Variants in NHSL2 observed in about 807,000 individuals in gnomAD.
NHSL2 encodes the protein NHS-like protein 2.
Under a neutral mutation model 53.4 loss-of-function variants are expected in NHSL2, and 27 were observed. The ratio of observed to expected loss-of-function variants is 0.51; its 90% confidence interval spans 0.37 to 0.70. NHSL2 has a LOEUF of 0.70. Among genes scored for constraint, NHSL2 ranks in the 30% least tolerant of loss-of-function variants. The pLI is 0.00. For synonymous variants in NHSL2, 408 were observed against 404.1 expected (o/e 1.01, Z -0.12); for missense variants, 892 against 980.1 (o/e 0.91, Z 1.20).
intron 1 of NHSL2, among the ~76,000 whole-genome samples, chrX:72,008,574 T>A (rs192760324): frequency 1.5e-3 from 173 of 112,045 alleles, no homozygotes; most frequent in African/African-American, 5.3e-3. Context: ...AATTGAACCT[T>A]GGCACAGAGT....
At chrX:72,064,494 A>G (rs779932568) in intron 1 of NHSL2, among the ~76,000 whole-genome samples, 48 of 111,886 alleles carry the variant, frequency 4.3e-4, no homozygotes, top group African/African-American at 1.5e-3. Context: ...CACACCTGAC[A>G]GGGTGGTTGT....
At chrX:72,107,639 AAGACAG>A (rs1220708998) in intron 1 of NHSL2, among the ~76,000 whole-genome samples, 1 of 112,112 alleles carries the variant, frequency 8.9e-6, no homozygotes, top group Non-Finnish European at 1.9e-5. Context: ...CAACAGACAG[AAGACAG>A]AGTCCCGGGG....
At chrX:71,970,192 A>G (rs1235188210) in intron 1 of NHSL2, among the ~76,000 whole-genome samples, 3 of 111,775 alleles carry the variant, frequency 2.7e-5, no homozygotes, top group Non-Finnish European at 5.6e-5. Flanking sequence ...TATATTTATA[A>G]GGCCTGTAGG....
At chrX:71,965,399 A>G (rs1002698556) in intron 1 of NHSL2, among the ~76,000 whole-genome samples, 2 of 112,327 alleles carry the variant, frequency 1.8e-5, no homozygotes, top group African/African-American at 6.5e-5. Context: ...TACCTTTGCT[A>G]TTTTGTCAAA....
intron 1 of NHSL2, among the ~76,000 whole-genome samples, chrX:71,945,124 TG>T (rs201374936): frequency 8.1e-5 from 9 of 111,727 alleles, no homozygotes; most frequent in African/African-American, 2.9e-4. Context: ...CTGAGGCAGT[TG>T]GGGGGGTCAT....
At chrX:72,076,694 T>C (rs756286279) in intron 1 of NHSL2, among the ~76,000 whole-genome samples, 40 of 112,446 alleles carry the variant, frequency 3.6e-4, no homozygotes, top group Non-Finnish European at 7.1e-4. Context: ...TAGGAGACCC[T>C]GCACACTGAT....
chrX:71,963,902 AAC>A (rs1350294337), intron 1 of NHSL2, among the ~76,000 whole-genome samples: 1 of 98,348 alleles, frequency 1.0e-5, no homozygotes, highest in African/African-American at 3.7e-5. Flanking sequence ...TAGCCTGGGC[AAC>A]AGAGTGAGAC....
intron 1 of NHSL2, among the ~76,000 whole-genome samples, chrX:71,991,854 C>G (rs773628605): frequency 9.0e-6 from 1 of 110,640 alleles, no homozygotes; most frequent in African/African-American, 3.3e-5. Flanking sequence ...CTCTCTCTGT[C>G]TTTGGCTGTC....
intron 1 of NHSL2, among the ~76,000 whole-genome samples, chrX:72,004,175 A>G (rs1038131978): frequency 1.7e-4 from 19 of 112,409 alleles, no homozygotes; most frequent in Admixed American, 1.5e-3. Context: ...GGGAGGGGCT[A>G]GGAATGTCCC....
At chrX:71,929,727 GCT>G (rs1366828898) in intron 1 of NHSL2, among the ~76,000 whole-genome samples, 1 of 110,900 alleles carries the variant, frequency 9.0e-6, no homozygotes, top group African/African-American at 3.3e-5. Context: ...AGTAGTTCTG[GCT>G]CTCTTTCTGT....
intron 1 of NHSL2, among the ~76,000 whole-genome samples, chrX:71,989,272 C>T (rs1602297452): frequency 1.0e-5 from 1 of 95,392 alleles, no homozygotes; most frequent in Non-Finnish European, 2.0e-5. Flanking sequence ...TGGCGTGAAC[C>T]CGGGAGGCGG....
chrX:71,960,824 G>C (rs1032746416), intron 1 of NHSL2, among the ~76,000 whole-genome samples: 1 of 112,252 alleles, frequency 8.9e-6, no homozygotes, highest in Non-Finnish European at 1.9e-5. Flanking sequence ...TCTTCCAACT[G>C]TGCTCTTCTT....
At chrX:71,914,535 T>A (rs2041619035) in intron 1 of NHSL2, among the ~76,000 whole-genome samples, 1 of 112,343 alleles carries the variant, frequency 8.9e-6, no homozygotes, top group Non-Finnish European at 1.9e-5. Context: ...GGGAAAGATG[T>A]TCTGTTGCTT....
rs761460044 is a variant in NHSL2, at chrX:72,129,819, T to C, written c.281-2260T>C. 7.6e-6 allele frequency: 9 copies of C among 1,180,962 alleles called. No individual in the cohort carries two copies. In the Admixed American group the frequency reaches 2.1e-4, roughly 27 times the overall value. ...GAAGGGTGTGTTCTGGGTGGCCATCTGGCCCCAGCACTCAAACTCGAATTC... is the reference window on the plus strand; with the variant it reads ...GAAGGGTGTGTTCTGGGTGGCCATCCGGCCCCAGCACTCAAACTCGAATTC... On this transcript the variant is annotated intron_variant, in intron 1 of 7. Transcript: ENST00000633930.
In NHSL2 at chrX:72,054,160, C is replaced by T. The variant is rs1027536490; in HGVS notation, c.281-77919C>T. Among the ~76,000 whole-genome samples the T allele has an allele frequency of 4.5e-5, 5 of 111,847 alleles. No homozygotes were observed. The South Asian group carries it at 1.9e-3, about 42-fold the overall frequency. ...TTCCAAGGAGATGCTGCAACGCTTT[C>T]TCTGCCATACTCCTCTGTCTACACT... On this transcript the variant is annotated intron_variant, in intron 1 of 7. Coordinates refer to ENST00000633930, the MANE Select transcript of NHSL2 (RefSeq NM_001013627.3).
chrX:72,119,159 C>A (rs1160127141), intron 1 of NHSL2, among the ~76,000 whole-genome samples: 2 of 111,778 alleles, frequency 1.8e-5, no homozygotes, highest in Non-Finnish European at 3.8e-5. Context: ...GTTAGCAACA[C>A]ACTATTTTGA....
chrX:72,099,167 T>C (rs1281790240), intron 1 of NHSL2, among the ~76,000 whole-genome samples: 2 of 111,805 alleles, frequency 1.8e-5, no homozygotes, highest in Non-Finnish European at 3.8e-5. Context: ...AATAGAAATA[T>C]AATGTGGGCC....
At chrX:72,001,990 A>T (rs2042074587) in intron 1 of NHSL2, among the ~76,000 whole-genome samples, 1 of 113,013 alleles carries the variant, frequency 8.8e-6, no homozygotes, top group African/African-American at 3.2e-5. Context: ...TATTTTGTTT[A>T]GTCTGCATGT....
In NHSL2 at chrX:72,113,543, G is replaced by A. The variant is rs748795353; in HGVS notation, c.281-18536G>A. ...GCAGGCTGGACAGGAGAACCACAAC[G>A]TCTTGCAAAAAGCATGCAGTTTATA... is the stretch of plus-strand genomic sequence containing the variant. On this transcript the variant is annotated intron_variant, in intron 1 of 7. Transcript: ENST00000633930. Among the ~76,000 whole-genome samples the A allele has an allele frequency of 1.3e-4, 15 of 111,786 alleles. No individual in the cohort carries two copies. In the East Asian group the frequency reaches 3.7e-3, roughly 27 times the overall value.
Sources: allele counts gnomAD v4.1 joint callset (sites outside exome capture counted in the v4.1 genomes callset), GRCh38; gene constraint gnomAD v4.1.1; transcripts MANE v1.5; gene names NCBI Gene and HGNC (gene_info 2026-07-23, HGNC 2026-07-21).